Variants in TCF12 observed in about 807,000 individuals in gnomAD.
TCF12 encodes transcription factor 12.
Under a neutral mutation model 86.0 loss-of-function variants are expected in TCF12, and 45 were observed. That is an observed-to-expected ratio of 0.52 (90% confidence interval 0.41 to 0.67). TCF12 has a LOEUF of 0.67. Among genes scored for constraint, TCF12 ranks in the 30% least tolerant of loss-of-function variants. The probability of loss-of-function intolerance (pLI) is 0.00; values close to 1 mark genes in which losing one functional copy is unlikely to be tolerated. For synonymous variants in TCF12, 330 were observed against 299.6 expected, an observed-to-expected ratio of 1.10 and a Z score of -1.05; for missense variants, 881 against 859.9, an observed-to-expected ratio of 1.02 and a Z score of -0.31.
At position 57,289,639 on chromosome 15, in the gene TCF12, C is replaced by G. The variant is rs554742653; in HGVS notation, c.*3494C>G. On this transcript the variant is annotated 3_prime_UTR_variant, in exon 21 of 21. Transcript: ENST00000333725. ...TGTGTGTGTGTCTGTGTGTGTGTGACTTAAAGAATCTTAAGCTTTGGCATT... is the reference window on the plus strand; with the variant it reads ...TGTGTGTGTGTCTGTGTGTGTGTGAGTTAAAGAATCTTAAGCTTTGGCATT... 6.6e-6 allele frequency: 1 copy of G among 151,520 alleles called. No homozygotes were observed. Among genetic ancestry groups the G allele is most frequent in the South Asian group, 2.1e-4 (1 of 4,794 alleles). 9.4% of individuals were successfully genotyped at this position (151,520 alleles called of 1,614,324 possible).
chr15:57,083,380 G>A (rs975186359), intron 4 of TCF12, among the ~76,000 whole-genome samples: 7 of 150,394 alleles, frequency 4.7e-5, no homozygotes, highest in South Asian at 2.2e-4. Context: ...TACTTGATGC[G>A]ATTTTTGTAC....
chr15:57,047,222 C>G (rs2067291182), intron 3 of TCF12, among the ~76,000 whole-genome samples: 1 of 152,108 alleles, frequency 6.6e-6, no homozygotes, highest in Non-Finnish European at 1.5e-5. Flanking sequence ...CTATATAATA[C>G]TTAGAATATT....
At chr15:56,929,443 C>G (rs2060152573) in intron 3 of TCF12, among the ~76,000 whole-genome samples, 1 of 152,002 alleles carries the variant, frequency 6.6e-6, no homozygotes, top group Non-Finnish European at 1.5e-5. Flanking sequence ...TAAAGATACC[C>G]TTGACTTGAA....
At chr15:57,251,238 A>G (rs2060102186) in intron 13 of TCF12, 112 bp from the exon 14 acceptor site, 2 of 899,768 alleles carry the variant, frequency 2.2e-6, no homozygotes, top group African/African-American at 1.7e-5. Context: ...AGGCCAAACA[A>G]AAATATTCAT....
chr15:57,099,286 C>A (rs145738473), intron 5 of TCF12, among the ~76,000 whole-genome samples: 1 of 151,988 alleles, frequency 6.6e-6, no homozygotes, highest in East Asian at 1.9e-4. Flanking sequence ...TGAGAGAGAC[C>A]GAAGTAATAC....
At chr15:56,963,476 A>C (rs1342594781) in intron 3 of TCF12, among the ~76,000 whole-genome samples, 3 of 152,186 alleles carry the variant, frequency 2.0e-5, no homozygotes, top group Admixed American at 2.0e-4. Flanking sequence ...TAGTCAAGTG[A>C]AAATATAAGG....
chr15:56,938,500 A>G (rs2060582573), intron 3 of TCF12, among the ~76,000 whole-genome samples: 2 of 151,972 alleles, frequency 1.3e-5, no homozygotes, highest in African/African-American at 4.8e-5. Flanking sequence ...TGGTTTTGGT[A>G]TTACAGTGAT....
intron 6 of TCF12, among the ~76,000 whole-genome samples, chr15:57,168,503 G>T (rs1417854967): frequency 1.3e-5 from 2 of 151,950 alleles, no homozygotes; most frequent in African/African-American, 2.4e-5. Flanking sequence ...CTCTTTTTTG[G>T]TCCATATCAA....
intron 8 of TCF12, among the ~76,000 whole-genome samples, chr15:57,226,575 G>A (rs1242927540): frequency 6.6e-6 from 1 of 152,138 alleles, no homozygotes; most frequent in Non-Finnish European, 1.5e-5. Flanking sequence ...CCCAAACATA[G>A]TGAAATCTTG....
chr15:57,266,995 TTC>T (rs2060901001), intron 18 of TCF12, among the ~76,000 whole-genome samples: 1 of 152,224 alleles, frequency 6.6e-6, no homozygotes, highest in Admixed American at 6.5e-5. Flanking sequence ...TGCCACTGCA[TTC>T]TAGCCTGGCT....
At chr15:56,965,324 G>A (rs2061954368) in intron 3 of TCF12, among the ~76,000 whole-genome samples, 1 of 151,914 alleles carries the variant, frequency 6.6e-6, no homozygotes, top group East Asian at 1.9e-4. Flanking sequence ...TTGCTATTTT[G>A]ATTTATTAGA....
At chr15:56,996,843 A>T (rs919574556) in intron 3 of TCF12, among the ~76,000 whole-genome samples, 1 of 152,246 alleles carries the variant, frequency 6.6e-6, no homozygotes, top group African/African-American at 2.4e-5. Flanking sequence ...AAAAGAAGAC[A>T]TACAAGTAGC....
At chr15:56,930,085 G>A (rs186360326) in intron 3 of TCF12, among the ~76,000 whole-genome samples, 2 of 152,308 alleles carry the variant, frequency 1.3e-5, no homozygotes, top group Admixed American at 1.3e-4. Flanking sequence ...AGTGAACACA[G>A]GTTGGACTTA....
chr15:56,962,620 A>T (rs1250201530), intron 3 of TCF12, among the ~76,000 whole-genome samples: 1 of 152,226 alleles, frequency 6.6e-6, no homozygotes, highest in East Asian at 1.9e-4. Context: ...AGTTCAAATA[A>T]GAGAAAATGC....
intron 3 of TCF12, among the ~76,000 whole-genome samples, chr15:56,964,374 T>A (rs1385457376): frequency 1.3e-5 from 2 of 152,216 alleles, no homozygotes; most frequent in Non-Finnish European, 2.9e-5. Context: ...GTGATCTGCC[T>A]GCTGTTTTCA....
At chr15:57,180,295 C>T (rs577987871) in intron 6 of TCF12, among the ~76,000 whole-genome samples, 18 of 152,194 alleles carry the variant, frequency 1.2e-4, no homozygotes, top group African/African-American at 3.9e-4. Context: ...TTGGGTTACT[C>T]TGTCATAATC....
intron 5 of TCF12, among the ~76,000 whole-genome samples, chr15:57,102,555 A>G (rs1299806753): frequency 6.6e-6 from 1 of 151,942 alleles, no homozygotes; most frequent in Non-Finnish European, 1.5e-5. Flanking sequence ...CCAAGATCGC[A>G]TGACTGCACT....
intron 3 of TCF12, among the ~76,000 whole-genome samples, chr15:56,957,909 T>A (rs2061566067): frequency 6.6e-6 from 1 of 152,190 alleles, no homozygotes; most frequent in Non-Finnish European, 1.5e-5. Flanking sequence ...GGAGCAGTGC[T>A]CAGTCTAGGG....
intron 4 of TCF12, among the ~76,000 whole-genome samples, chr15:57,085,291 T>C (rs2048550506): frequency 6.6e-6 from 1 of 152,226 alleles, no homozygotes; most frequent in African/African-American, 2.4e-5. Flanking sequence ...ACAGAATCTA[T>C]CTCCCTGTTA....
Sources: gnomAD v4.1 joint callset for allele counts (sites outside exome capture counted in the v4.1 genomes callset) on GRCh38, gnomAD v4.1.1 for gene constraint, MANE v1.5 for transcripts, NCBI Gene and HGNC (gene_info 2026-07-23, HGNC 2026-07-21) for gene names.